The following C12orf42 variants were observed in gnomAD, a reference collection of about 807,000 sequenced individuals.
C12orf42 encodes chromosome 12 open reading frame 42.
In C12orf42, 25 loss-of-function variants were observed where a neutral mutation model predicts 21.6. That is an observed-to-expected ratio of 1.16 (90% CI 0.84 to 1.62). The LOEUF is 1.62. C12orf42 is among the 40% of genes most tolerant of loss of function. The pLI, the probability that C12orf42 is intolerant of heterozygous loss-of-function variation, is 0.00. For synonymous variants in C12orf42, 174 were observed against 175.0 expected, an observed-to-expected ratio of 0.99 and a Z score of 0.05; for missense variants, 483 against 459.3, an observed-to-expected ratio of 1.05 and a Z score of -0.47.
chr12:103,264,309 GAAAT>G (rs2035056767), downstream of C12orf42, among the ~76,000 whole-genome samples: 1 of 151,140 alleles, frequency 6.6e-6, no homozygotes. Flanking sequence ...ATTGTAAAAT[GAAAT>G]AAATATTCTC....
the C12orf42 span, among the ~76,000 whole-genome samples, chr12:103,161,257 A>G: frequency 6.6e-6 from 1 of 152,178 alleles, no homozygotes; most frequent in Non-Finnish European, 1.5e-5. Context: ...TAACTTCCAA[A>G]TAGTTAAGCA....
chr12:103,376,459 G>A (rs1372048965), intron 3 of C12orf42, among the ~76,000 whole-genome samples: 5 of 152,056 alleles, frequency 3.3e-5, no homozygotes, highest in South Asian at 4.1e-4. Flanking sequence ...TAACGCACAC[G>A]GGGCTTAAAA....
chr12:103,478,618 C>G (rs1333585507), intron 1 of C12orf42, among the ~76,000 whole-genome samples, 171 bp from the exon 2 acceptor site: 2 of 139,044 alleles, frequency 1.4e-5, no homozygotes, highest in Admixed American at 7.5e-5. Flanking sequence ...GAGACAGGGT[C>G]ACATTATGTT....
intron 4 of C12orf42, among the ~76,000 whole-genome samples, chr12:103,290,527 C>G (rs1256382473): frequency 6.6e-6 from 1 of 152,140 alleles, no homozygotes; most frequent in Non-Finnish European, 1.5e-5. Context: ...AAATCTTGAT[C>G]TCAAAGAATT....
chr12:103,336,446 C>A (rs1180060902), intron 4 of C12orf42, among the ~76,000 whole-genome samples: 6 of 152,152 alleles, frequency 3.9e-5, no homozygotes, highest in African/African-American at 1.4e-4. Flanking sequence ...TCTCTTCATC[C>A]CTCTAAGCCT....
At chr12:103,194,851 A>G in the C12orf42 span, among the ~76,000 whole-genome samples, 3 of 152,104 alleles carry the variant, frequency 2.0e-5, no homozygotes, top group African/African-American at 7.2e-5. Flanking sequence ...TAGGTGGGTA[A>G]ATTGTGTATT....
At chr12:103,396,229 GGTAGT>G (rs1273675411) in intron 3 of C12orf42, among the ~76,000 whole-genome samples, 1 of 151,968 alleles carries the variant, frequency 6.6e-6, no homozygotes, top group East Asian at 1.9e-4. Flanking sequence ...CTGTTCTCAT[GGTAGT>G]GAGGGAGTTC....
the C12orf42 span, among the ~76,000 whole-genome samples, chr12:103,119,782 C>T: frequency 9.8e-5 from 15 of 152,350 alleles, no homozygotes; most frequent in East Asian, 2.3e-3. Flanking sequence ...TATTTATGCA[C>T]ATATATGAAG....
intron 3 of C12orf42, among the ~76,000 whole-genome samples, chr12:103,384,190 G>A (rs2046410166): frequency 2.0e-5 from 3 of 152,088 alleles, no homozygotes; most frequent in Admixed American, 2.0e-4. Flanking sequence ...AAGCACTGAG[G>A]AATTTATATG....
At chr12:103,280,346 G>T (rs11831795) in intron 4 of C12orf42, among the ~76,000 whole-genome samples, 1,605 of 152,246 alleles carry the variant, frequency 0.011, 12 homozygotes, top group Non-Finnish European at 0.017. Flanking sequence ...GGCCGGGTGC[G>T]GTGGTTCATG....
the C12orf42 span, among the ~76,000 whole-genome samples, chr12:103,204,074 A>G: frequency 6.6e-6 from 1 of 152,150 alleles, no homozygotes; most frequent in Admixed American, 6.6e-5. Flanking sequence ...GCACAGCTTC[A>G]ATCTCCACCA....
chr12:103,160,403 C>A, the C12orf42 span, among the ~76,000 whole-genome samples: 1 of 152,270 alleles, frequency 6.6e-6, no homozygotes, highest in African/African-American at 2.4e-5. Flanking sequence ...TCTCTAATAC[C>A]CTGTATTCAC....
the C12orf42 span, chr12:103,152,022 G>A: frequency 6.6e-6 from 1 of 152,202 alleles, no homozygotes; most frequent in Non-Finnish European, 1.5e-5. Context: ...TTCAAAAATG[G>A]AAGAAGCCAA....
At chr12:103,412,913 G>A (rs10400491) in intron 2 of C12orf42, among the ~76,000 whole-genome samples, 2,091 of 152,240 alleles carry the variant, frequency 0.014, 49 homozygotes, top group African/African-American at 0.047. Flanking sequence ...TGTAGGTTCT[G>A]TTTACTCTGT....
At chr12:103,123,415 T>C in the C12orf42 span, among the ~76,000 whole-genome samples, 1 of 151,972 alleles carries the variant, frequency 6.6e-6, no homozygotes, top group African/African-American at 2.4e-5. Flanking sequence ...TGCATGGTTG[T>C]CCCCACTTTG....
chr12:103,415,137 A>T (rs1161501731), intron 2 of C12orf42, among the ~76,000 whole-genome samples: 1 of 151,368 alleles, frequency 6.6e-6, no homozygotes, highest in East Asian at 1.9e-4. Flanking sequence ...TATATTAGGA[A>T]AAAAAAAATA....
Position 103,332,672 on chromosome 12 carries a change from C to T in C12orf42, c.260-26327G>A, listed in dbSNP as rs142203891. Among the ~76,000 whole-genome samples the T allele has an allele frequency of 2.6e-5, 4 of 152,356 alleles. No homozygotes were observed. In the East Asian group the frequency reaches 7.7e-4, roughly 29 times the overall value. On this transcript the variant is annotated intron_variant, in intron 4 of 5. Transcript: ENST00000548883. ...CCTCAGTAATGCCTGTCCCAGGCTACGTACTGGGTAGAATTGTGTCCCCAC... is the reference window on the plus strand; with the variant it reads ...CCTCAGTAATGCCTGTCCCAGGCTATGTACTGGGTAGAATTGTGTCCCCAC...
At chr12:103,519,898 G>A in the C12orf42 span, among the ~76,000 whole-genome samples, 1 of 152,146 alleles carries the variant, frequency 6.6e-6, no homozygotes, top group Non-Finnish European at 1.5e-5. Context: ...GTGGTTGTGA[G>A]GGCTCATCCT....
chr12:103,520,106 T>C, the C12orf42 span, among the ~76,000 whole-genome samples: 2 of 152,074 alleles, frequency 1.3e-5, no homozygotes, highest in African/African-American at 4.8e-5. Flanking sequence ...ATATGAATGA[T>C]CCACAAGACT....
Sources: gnomAD v4.1 joint callset for allele counts (sites outside exome capture counted in the v4.1 genomes callset) on GRCh38, gnomAD v4.1.1 for gene constraint, MANE v1.5 for transcripts, NCBI Gene and HGNC (gene_info 2026-07-23, HGNC 2026-07-21) for gene names.